The following GAPVD1 variants were observed in gnomAD, a reference collection of about 807,000 sequenced individuals.
GAPVD1 encodes the protein GTPase-activating protein and VPS9 domain-containing protein 1.
A neutral mutation model predicts 155.5 loss-of-function variants in GAPVD1; 35 were observed. The observed-to-expected ratio is 0.23, with a 90% CI of 0.17 to 0.30. The LOEUF (loss-of-function observed/expected upper bound fraction) is 0.30. Ranked by LOEUF, GAPVD1 falls within the 10% of genes least tolerant of loss-of-function variation. The pLI is 1.00. For synonymous variants in GAPVD1, 636 were observed against 619.7 expected, an observed-to-expected ratio of 1.03 and a Z score of -0.39; for missense variants, 1,429 against 1,775.7, an observed-to-expected ratio of 0.80 and a Z score of 3.51.
chr9:125,279,043 A>G (rs1358468953), intron 2 of GAPVD1, among the ~76,000 whole-genome samples: 1 of 150,236 alleles, frequency 6.7e-6, no homozygotes, highest in African/African-American at 2.5e-5. Context: ...GAAACCCCGT[A>G]TCTACTGAAA....
At chr9:125,307,294 C>A in intron 6 of GAPVD1, 119 bp from the exon 7 acceptor site, 12 of 658,796 alleles carry the variant, frequency 1.8e-5, no homozygotes, top group Non-Finnish European at 2.4e-5. Context: ...AATTCAACAT[C>A]TTAAAAAAAT....
chr9:125,352,391 C>T (rs993029167), intron 23 of GAPVD1, among the ~76,000 whole-genome samples: 4 of 152,232 alleles, frequency 2.6e-5, no homozygotes, highest in African/African-American at 9.6e-5. Context: ...TCCCAAACCC[C>T]ATTCTTGACT....
intron 10 of GAPVD1, among the ~76,000 whole-genome samples, chr9:125,321,933 C>G (rs1291328678): frequency 6.6e-6 from 1 of 152,176 alleles, no homozygotes; most frequent in Admixed American, 6.5e-5. Context: ...GTTGCACATA[C>G]TCTTAAATGT....
At chr9:125,329,137 GGT>G (rs1270858868) in intron 12 of GAPVD1, among the ~76,000 whole-genome samples, 1 of 151,788 alleles carries the variant, frequency 6.6e-6, no homozygotes, top group Non-Finnish European at 1.5e-5. Flanking sequence ...GAGAGGGAGA[GGT>G]GTAAATAGAT....
At position 125,329,863 on chromosome 9, in the gene GAPVD1, G is replaced by C. The variant is rs904513357; in HGVS notation, c.2033-215G>C. On this transcript the variant is annotated intron_variant, in intron 12 of 27. Transcript: ENST00000297933. ...TACCTGGCTAATTTTTGTATTTTCA[G>C]TAGAGACGGGGTTTCGCCATGTTGG... 5.9e-5 allele frequency among the ~76,000 whole-genome samples: 9 copies of C among 152,274 alleles called. No individual in the cohort carries two copies. The South Asian group carries it at 1.9e-3, about 32-fold the overall frequency.
intron 3 of GAPVD1, among the ~76,000 whole-genome samples, chr9:125,297,522 T>A (rs1840071444): frequency 1.3e-5 from 2 of 152,142 alleles, no homozygotes; most frequent in South Asian, 4.2e-4. Flanking sequence ...GACAGAGAGG[T>A]CAGCAAATGT....
intron 15 of GAPVD1, chr9:125,335,262 A>C: frequency 1.4e-6 from 1 of 708,076 alleles, no homozygotes; most frequent in Non-Finnish European, 2.6e-6. Flanking sequence ...AGTAAGCTGT[A>C]CATTAAAAAT....
intron 15 of GAPVD1, among the ~76,000 whole-genome samples, chr9:125,334,736 C>CAAAAATAA (rs1554778559): frequency 2.0e-5 from 3 of 148,394 alleles, no homozygotes; most frequent in South Asian, 2.1e-4. Flanking sequence ...CTCGTCTCTA[C>CAAAAATAA]AAAAATAAAA....
chr9:125,322,071 A>ATT (rs893287108), intron 10 of GAPVD1, among the ~76,000 whole-genome samples: 1 of 147,176 alleles, frequency 6.8e-6, no homozygotes, highest in African/African-American at 2.5e-5. Flanking sequence ...ACTAGTACCA[A>ATT]TTTTTTTTTT....
At chr9:125,336,183 A>T (rs886106703) in intron 15 of GAPVD1, among the ~76,000 whole-genome samples, 5 of 151,764 alleles carry the variant, frequency 3.3e-5, no homozygotes, top group Non-Finnish European at 5.9e-5. Context: ...AAATTTGAGA[A>T]CTGCTGTTTT....
intron 11 of GAPVD1, among the ~76,000 whole-genome samples, chr9:125,324,328 C>T (rs1403856460): frequency 1.3e-5 from 2 of 152,124 alleles, no homozygotes; most frequent in Non-Finnish European, 2.9e-5. Context: ...CGGTGGCTCA[C>T]ACCTGTAATC....
At chr9:125,360,782 C>A in intron 27 of GAPVD1, 57 bp downstream of exon 27, 2 of 1,250,664 alleles carry the variant, frequency 1.6e-6, no homozygotes, top group South Asian at 1.2e-5. Context: ...GCAGGTGGCA[C>A]AGGGCTTCAC....
intron 12 of GAPVD1, among the ~76,000 whole-genome samples, chr9:125,329,808 A>C (rs948790462): frequency 5.3e-5 from 8 of 151,950 alleles, no homozygotes; most frequent in African/African-American, 1.9e-4. Flanking sequence ...CAGCTTCCCA[A>C]GTAGCTGAGA....
intron 9 of GAPVD1, among the ~76,000 whole-genome samples, chr9:125,316,439 C>G (rs1021645817): frequency 2.1e-4 from 32 of 152,086 alleles, no homozygotes; most frequent in African/African-American, 7.7e-4. Context: ...GTTTGGTTTT[C>G]TGTTCCTGCA....
At chr9:125,305,018 ATCTG>A (rs1464267919) in intron 5 of GAPVD1, 41 bp from the exon 6 acceptor site, 14 of 1,233,006 alleles carry the variant, frequency 1.1e-5, no homozygotes, top group Non-Finnish European at 1.7e-5. Flanking sequence ...ATTTGTGAGT[ATCTG>A]TCTGTAGCTT....
intron 9 of GAPVD1, among the ~76,000 whole-genome samples, chr9:125,319,096 A>C (rs529127288): frequency 6.6e-6 from 1 of 152,084 alleles, no homozygotes; most frequent in Non-Finnish European, 1.5e-5. Flanking sequence ...GAATCGCTTG[A>C]AACTGGGAGG....
chr9:125,354,471 C>CTGT (rs1849770745), intron 23 of GAPVD1, among the ~76,000 whole-genome samples, 183 bp from the exon 24 acceptor site: 1 of 152,208 alleles, frequency 6.6e-6, no homozygotes, highest in African/African-American at 2.4e-5. Flanking sequence ...CATGATCAGT[C>CTGT]TCTACCATGT....
chr9:125,334,811 T>A (rs1051240818), intron 15 of GAPVD1, among the ~76,000 whole-genome samples: 1 of 147,116 alleles, frequency 6.8e-6, no homozygotes, highest in Non-Finnish European at 1.5e-5. Context: ...AAAAAAAAAA[T>A]TAACAAAATG....
chr9:125,326,855 AGT>A (rs958267556), intron 12 of GAPVD1, among the ~76,000 whole-genome samples: 4 of 151,696 alleles, frequency 2.6e-5, no homozygotes, highest in African/African-American at 9.7e-5. Flanking sequence ...AAGAAAAACC[AGT>A]GTTTTGAATT....
Sources: gnomAD v4.1 joint callset for allele counts (sites outside exome capture counted in the v4.1 genomes callset) on GRCh38, gnomAD v4.1.1 for gene constraint, MANE v1.5 for transcripts, NCBI Gene and HGNC (gene_info 2026-07-23, HGNC 2026-07-21) for gene names.